Variants in RABEP1 observed in about 807,000 individuals in gnomAD.
RABEP1 encodes rab GTPase-binding effector protein 1.
In RABEP1, 51 loss-of-function variants were observed where a neutral mutation model predicts 123.4. That is an observed-to-expected ratio of 0.41 (90% CI 0.33 to 0.52). The LOEUF is 0.52. Among genes scored for constraint, RABEP1 ranks in the 20% least tolerant of loss-of-function variants. The probability of loss-of-function intolerance (pLI) is 0.16; values close to 1 mark genes in which losing one functional copy is unlikely to be tolerated. For missense variants in RABEP1, 888 were observed against 996.3 expected (o/e 0.89, Z 1.46); for synonymous variants, 347 against 355.2 (o/e 0.98, Z 0.26).
chr17:5,367,333 A>G (rs183321273), intron 11 of RABEP1, among the ~76,000 whole-genome samples: 169 of 151,580 alleles, frequency 1.1e-3, no homozygotes, highest in Admixed American at 2.9e-3. Context: ...GTGCAGTGGC[A>G]CGATCTTGGC....
chr17:5,376,061 G>A (rs1217866012), intron 13 of RABEP1, among the ~76,000 whole-genome samples: 3 of 152,032 alleles, frequency 2.0e-5, no homozygotes, highest in Admixed American at 6.6e-5. Flanking sequence ...GGCTGGTCTC[G>A]AATTCTCGAC....
At chr17:5,373,868 T>C (rs1000379841) in intron 13 of RABEP1, among the ~76,000 whole-genome samples, 4 of 152,186 alleles carry the variant, frequency 2.6e-5, no homozygotes, top group Non-Finnish European at 4.4e-5. Context: ...AATCATACGA[T>C]ATGTGGTCTT....
rs976163320 is a variant in RABEP1, at chr17:5,304,051, T to A, written c.35-4643T>A. ...TTCCATCTCAAAAAAAAAAAATAAA[T>A]AAAAATTTATTATATTGTTTTACTT... is the stretch of plus-strand genomic sequence containing the variant. On this transcript the variant is annotated intron_variant, in intron 1 of 17. Coordinates refer to ENST00000537505, the MANE Select transcript of RABEP1 (RefSeq NM_004703.6). Among the ~76,000 whole-genome samples, 46 of 150,574 alleles carry A rather than the reference T, an allele frequency of 3.1e-4. 1 individual carries two copies. The highest frequency in any genetic ancestry group is 3.3e-4 in the Admixed American group (5 of 15,066).
chr17:5,360,012 G>T (rs948080408), intron 8 of RABEP1, among the ~76,000 whole-genome samples: 47 of 152,248 alleles, frequency 3.1e-4, no homozygotes, highest in Admixed American at 2.5e-3. Context: ...CAATTCAGTG[G>T]CATTGCATAT....
intron 14 of RABEP1, among the ~76,000 whole-genome samples, chr17:5,377,519 A>AT (rs1567554740): frequency 1.9e-4 from 19 of 98,796 alleles, no homozygotes; most frequent in African/African-American, 3.2e-4. Flanking sequence ...TTATTTAAAA[A>AT]ATTTTTTTTT....
At chr17:5,288,174 G>A (rs1391983861) in intron 1 of RABEP1, among the ~76,000 whole-genome samples, 1 of 152,026 alleles carries the variant, frequency 6.6e-6, no homozygotes, top group Non-Finnish European at 1.5e-5. Context: ...ACAGAGGTCA[G>A]TAAAGGCTTT....
intron 8 of RABEP1, among the ~76,000 whole-genome samples, chr17:5,355,429 CCAAGATCCCT>C (rs1908932095): frequency 1.3e-5 from 2 of 152,150 alleles, no homozygotes; most frequent in Non-Finnish European, 2.9e-5. Flanking sequence ...CTAAGATCCC[CCAAGATCCCT>C]AGCATGGCAT....
intron 12 of RABEP1, among the ~76,000 whole-genome samples, chr17:5,370,977 T>C (rs889043403): frequency 6.6e-6 from 1 of 152,182 alleles, no homozygotes; most frequent in African/African-American, 2.4e-5. Flanking sequence ...TTTTTTTTTT[T>C]TGTTTTTGAG....
At chr17:5,364,743 C>T (rs1909869973) in intron 10 of RABEP1, among the ~76,000 whole-genome samples, 1 of 150,862 alleles carries the variant, frequency 6.6e-6, no homozygotes, top group South Asian at 2.1e-4. Context: ...ACCCTGAAGA[C>T]TTTGAGAGGC....
chr17:5,328,812 G>A (rs907473761), intron 2 of RABEP1, among the ~76,000 whole-genome samples: 7 of 151,388 alleles, frequency 4.6e-5, no homozygotes, highest in African/African-American at 7.3e-5. Context: ...TTCGCCAGGC[G>A]CAGTGGCAGG....
intron 11 of RABEP1, among the ~76,000 whole-genome samples, chr17:5,367,348 T>C (rs1427131332): frequency 2.0e-5 from 3 of 151,920 alleles, no homozygotes; most frequent in South Asian, 2.1e-4. Context: ...CTTGGCTCAC[T>C]GCAACGTCTG....
chr17:5,340,816 C>T (rs547952614), intron 5 of RABEP1, among the ~76,000 whole-genome samples: 6 of 151,492 alleles, frequency 4.0e-5, no homozygotes, highest in South Asian at 4.2e-4. Context: ...GGCGTGGTGG[C>T]GGGCGCCTAT....
rs189328257 is a variant in RABEP1 at position 5,356,179 on chromosome 17, A to T, written c.1095+1689A>T. On this transcript the variant is annotated intron_variant, in intron 8 of 17. Transcript: ENST00000537505. ...CTGAAGCCTAGCTAACATGGTGTGA[A>T]ACCCTATCTCTACTAAAAATACACA... is the stretch of plus-strand genomic sequence containing the variant. 3.1e-4 allele frequency among the ~76,000 whole-genome samples: 47 copies of T among 152,328 alleles called. 1 individual carries two copies. Among genetic ancestry groups the T allele is most frequent in the African/African-American group, 1.1e-3 (45 of 41,570 alleles).
rs577794334 is a variant in RABEP1, at chr17:5,303,722, T to C, written c.35-4972T>C. Among the ~76,000 whole-genome samples, 6 of 152,298 alleles carry C rather than the reference T, an allele frequency of 3.9e-5. No individual in the cohort carries two copies. In the South Asian group the frequency reaches 1.2e-3, roughly 32 times the overall value. ...TTGGTCGTAGTAAATTTCACATTGCTTATGTCTTTATCAAATTTAGTGTAA... is the reference window on the plus strand; with the variant it reads ...TTGGTCGTAGTAAATTTCACATTGCCTATGTCTTTATCAAATTTAGTGTAA... On this transcript the variant is annotated intron_variant, in intron 1 of 17. Coordinates refer to ENST00000537505, the MANE Select transcript of RABEP1 (RefSeq NM_004703.6).
At chr17:5,329,132 GA>G (rs898746580) in intron 2 of RABEP1, among the ~76,000 whole-genome samples, 1 of 146,668 alleles carries the variant, frequency 6.8e-6, no homozygotes, top group African/African-American at 2.5e-5. Context: ...GTTTATATAA[GA>G]AACTGTCCAT....
chr17:5,349,463 T>A (rs1908338616), intron 6 of RABEP1, among the ~76,000 whole-genome samples: 1 of 152,206 alleles, frequency 6.6e-6, no homozygotes, highest in Non-Finnish European at 1.5e-5. Context: ...GGTGGATAGA[T>A]CATGCTACCT....
chr17:5,299,737 T>C (rs1220000221), intron 1 of RABEP1, among the ~76,000 whole-genome samples: 8 of 125,594 alleles, frequency 6.4e-5, no homozygotes, highest in Non-Finnish European at 1.1e-4. Flanking sequence ...TTTTCTTTTT[T>C]TTTTTTTTTT....
intron 5 of RABEP1, among the ~76,000 whole-genome samples, chr17:5,341,887 A>G (rs1907645990): frequency 6.6e-6 from 1 of 152,238 alleles, no homozygotes; most frequent in South Asian, 2.1e-4. Context: ...TAACTTAGTA[A>G]AGGGCTATTT....
chr17:5,297,266 A>G (rs936148917), intron 1 of RABEP1, among the ~76,000 whole-genome samples: 1 of 152,192 alleles, frequency 6.6e-6, no homozygotes, highest in South Asian at 2.1e-4. Flanking sequence ...AAAATTGTAC[A>G]CAAGACTTTT....
Sources: gnomAD v4.1 joint callset for allele counts (sites outside exome capture counted in the v4.1 genomes callset) on GRCh38, gnomAD v4.1.1 for gene constraint, MANE v1.5 for transcripts, NCBI Gene and HGNC (gene_info 2026-07-23, HGNC 2026-07-21) for gene names.